CADPS2: variants seen among roughly 807,000 people sequenced by gnomAD.
CADPS2 encodes calcium dependent secretion activator 2.
Under a neutral mutation model 172.5 loss-of-function variants are expected in CADPS2, and 93 were observed. The ratio of observed to expected loss-of-function variants is 0.54; its 90% CI spans 0.46 to 0.64. The LOEUF (loss-of-function observed/expected upper bound fraction) is 0.64, where lower values mean the gene tolerates loss of function less well. CADPS2 is among the 30% of genes least tolerant of loss of function. The pLI, the probability that CADPS2 is intolerant of heterozygous loss-of-function variation, is 0.00. For synonymous variants in CADPS2, 546 were observed against 555.2 expected, an observed-to-expected ratio of 0.98 and a Z score of 0.23; for missense variants, 1,420 against 1,565.9, an observed-to-expected ratio of 0.91 and a Z score of 1.57.
At chr7:122,511,971 T>C (rs1172728177) in intron 9 of CADPS2, among the ~76,000 whole-genome samples, 3 of 152,144 alleles carry the variant, frequency 2.0e-5, no homozygotes, top group Non-Finnish European at 2.9e-5. Flanking sequence ...GTAACCTTTT[T>C]CAAAGCAAAT....
chr7:122,414,779 C>A (rs2047693951), intron 18 of CADPS2, among the ~76,000 whole-genome samples: 1 of 152,178 alleles, frequency 6.6e-6, no homozygotes, highest in Non-Finnish European at 1.5e-5. Flanking sequence ...CATGAGCACT[C>A]TTTTCTATGA....
At chr7:122,355,138 G>T (rs2039210622) in intron 27 of CADPS2, among the ~76,000 whole-genome samples, 1 of 152,112 alleles carries the variant, frequency 6.6e-6, no homozygotes, top group Admixed American at 6.5e-5. Flanking sequence ...GTCATTTTCT[G>T]TTAACTCATA....
At chr7:122,556,613 G>C (rs2065061382) in intron 7 of CADPS2, among the ~76,000 whole-genome samples, 1 of 152,084 alleles carries the variant, frequency 6.6e-6, no homozygotes, top group Non-Finnish European at 1.5e-5. Flanking sequence ...ACTGATTTTG[G>C]CTGATCCACA....
intron 1 of CADPS2, among the ~76,000 whole-genome samples, chr7:122,784,580 G>T (rs1328023672): frequency 1.3e-5 from 2 of 152,198 alleles, no homozygotes; most frequent in Admixed American, 1.3e-4. Context: ...AATGATATAA[G>T]TTGAAAGTAA....
At chr7:122,508,001 T>C (rs1308397009) in intron 9 of CADPS2, among the ~76,000 whole-genome samples, 1 of 152,188 alleles carries the variant, frequency 6.6e-6, no homozygotes, top group Non-Finnish European at 1.5e-5. Flanking sequence ...GAATATTCAT[T>C]TATATAACAA....
At chr7:122,825,116 G>A (rs1804507623) in intron 1 of CADPS2, among the ~76,000 whole-genome samples, 1 of 152,192 alleles carries the variant, frequency 6.6e-6, no homozygotes, top group African/African-American at 2.4e-5. Flanking sequence ...AAAAAGTGCA[G>A]TAACTGGATG....
At chr7:122,645,362 T>TAACAC (rs2078256793) in intron 3 of CADPS2, among the ~76,000 whole-genome samples, 1 of 109,010 alleles carries the variant, frequency 9.2e-6, no homozygotes, top group Non-Finnish European at 2.1e-5. Context: ...TGTATACATG[T>TAACAC]ACATGTATAC....
At chr7:122,472,919 G>A (rs912255447) in intron 13 of CADPS2, among the ~76,000 whole-genome samples, 4 of 151,964 alleles carry the variant, frequency 2.6e-5, no homozygotes, top group Non-Finnish European at 4.4e-5. Context: ...ATGGGGGGGC[G>A]CATTTTGTCT....
At chr7:122,402,767 T>C (rs2046120137) in intron 20 of CADPS2, among the ~76,000 whole-genome samples, 1 of 152,234 alleles carries the variant, frequency 6.6e-6, no homozygotes. Flanking sequence ...GCCTATTTTG[T>C]GTAACGCACA....
intron 1 of CADPS2, among the ~76,000 whole-genome samples, chr7:122,743,940 G>C (rs1375012217): frequency 1.3e-5 from 2 of 152,148 alleles, no homozygotes; most frequent in African/African-American, 4.8e-5. Flanking sequence ...GGGATGTGCT[G>C]ATATTATCAG....
chr7:122,819,995 C>G (rs1247911610), intron 1 of CADPS2, among the ~76,000 whole-genome samples: 6 of 152,126 alleles, frequency 3.9e-5, no homozygotes, highest in Non-Finnish European at 4.4e-5. Context: ...CCTATAAACT[C>G]TCCTTACAAT....
At chr7:122,320,463 T>C (rs796489970) in intron 29 of CADPS2, 125 bp from the exon 30 acceptor site, 6 of 614,664 alleles carry the variant, frequency 9.8e-6, no homozygotes, top group African/African-American at 9.3e-5. Flanking sequence ...TGGCTGTCCA[T>C]GCCAATCATC....
At chr7:122,541,747 A>G (rs1350451581) in intron 8 of CADPS2, among the ~76,000 whole-genome samples, 2 of 145,556 alleles carry the variant, frequency 1.4e-5, no homozygotes, top group East Asian at 2.0e-4. Flanking sequence ...TCATATATTT[A>G]CATATATTCA....
chr7:122,705,497 A>C (rs1477926234), intron 2 of CADPS2, among the ~76,000 whole-genome samples: 2 of 122,764 alleles, frequency 1.6e-5, no homozygotes, highest in African/African-American at 3.1e-5. Context: ...TATATTATCT[A>C]TATTATATAT....
At chr7:122,615,432 G>A (rs1053245007) in intron 5 of CADPS2, 133 bp from the exon 6 acceptor site, 5 of 485,778 alleles carry the variant, frequency 1.0e-5, no homozygotes, top group African/African-American at 7.8e-5. Flanking sequence ...AACATCACTG[G>A]TATTTTATCT....
chr7:122,494,335 T>C (rs1219528490), intron 9 of CADPS2, among the ~76,000 whole-genome samples: 1 of 152,200 alleles, frequency 6.6e-6, no homozygotes, highest in African/African-American at 2.4e-5. Flanking sequence ...TACTCAAAGA[T>C]GTATATGCAT....
intron 25 of CADPS2, among the ~76,000 whole-genome samples, chr7:122,368,762 G>A (rs562789442): frequency 1.8e-4 from 27 of 152,190 alleles, no homozygotes; most frequent in Admixed American, 1.2e-3. Context: ...CCAGCATTCC[G>A]TGCGCCATGA....
chr7:122,572,431 T>A (rs1448230375), intron 7 of CADPS2, among the ~76,000 whole-genome samples: 1 of 152,142 alleles, frequency 6.6e-6, no homozygotes. Context: ...AGATGTGGTA[T>A]TAAGGCCATG....
intron 2 of CADPS2, among the ~76,000 whole-genome samples, chr7:122,667,656 G>A (rs1554706954): frequency 6.6e-6 from 1 of 152,148 alleles, no homozygotes; most frequent in Non-Finnish European, 1.5e-5. Context: ...AACCCACACA[G>A]AGGGAGAAAA....
Sources: allele counts gnomAD v4.1 joint callset (sites outside exome capture counted in the v4.1 genomes callset), GRCh38; gene constraint gnomAD v4.1.1; transcripts MANE v1.5; gene names NCBI Gene and HGNC (gene_info 2026-07-23, HGNC 2026-07-21).